THADA: variants seen among roughly 807,000 people sequenced by gnomAD.
THADA encodes tRNA (32-2'-O)-methyltransferase regulator THADA.
Under a neutral mutation model 219.8 loss-of-function variants are expected in THADA, and 213 were observed. That is an observed-to-expected ratio of 0.97 (90% CI 0.87 to 1.09). THADA has a LOEUF of 1.09. Ranked by LOEUF, THADA falls within the 50% of genes least tolerant of loss-of-function variation. The probability of loss-of-function intolerance (pLI) is 0.00; values close to 1 mark genes in which losing one functional copy is unlikely to be tolerated. For missense variants in THADA, 2,956 were observed against 2,311.3 expected, an observed-to-expected ratio of 1.28 and a Z score of -5.72; for synonymous variants, 1,018 against 828.9, an observed-to-expected ratio of 1.23 and a Z score of -3.92.
In THADA at chr2:43,511,727, A is replaced by C. The variant is rs184580349; in HGVS notation, c.3375-2947T>G. On this transcript the variant is annotated intron_variant, in intron 22 of 37. Transcript: ENST00000405975. ...ATATCCCTATTCATCCAAACTGATG[A>C]AACTTCCTCCAAATACTGCATCTCA... is the stretch of plus-strand genomic sequence containing the variant. 3.1e-3 allele frequency among the ~76,000 whole-genome samples: 475 copies of C among 152,320 alleles called. 1 individual carries two copies. The highest frequency in any genetic ancestry group is 0.011 in the African/African-American group (439 of 41,564).
At chr2:43,411,588 T>C (rs377203886) in intron 28 of THADA, among the ~76,000 whole-genome samples, 1 of 152,190 alleles carries the variant, frequency 6.6e-6, no homozygotes, top group Non-Finnish European at 1.5e-5. Flanking sequence ...CTCATACTAG[T>C]TTTAGTCACC....
At chr2:43,345,450 G>A (rs1573182269) in intron 29 of THADA, among the ~76,000 whole-genome samples, 1 of 152,224 alleles carries the variant, frequency 6.6e-6, no homozygotes, top group Non-Finnish European at 1.5e-5. Context: ...GTACAGGAGA[G>A]TGCACACAAG....
At chr2:43,529,715 G>A (rs536008791) in intron 21 of THADA, among the ~76,000 whole-genome samples, 2 of 152,230 alleles carry the variant, frequency 1.3e-5, no homozygotes, top group East Asian at 3.9e-4. Context: ...CAGATCACAG[G>A]ATGGTAAAAG....
At chr2:43,277,792 T>C (rs1672891874) in intron 36 of THADA, among the ~76,000 whole-genome samples, 1 of 152,262 alleles carries the variant, frequency 6.6e-6, no homozygotes, top group Non-Finnish European at 1.5e-5. Context: ...AAACAACGTG[T>C]ACTTTTAAGG....
chr2:43,480,787 C>A (rs891518614), intron 26 of THADA, among the ~76,000 whole-genome samples: 2 of 148,580 alleles, frequency 1.3e-5, no homozygotes, highest in Non-Finnish European at 3.0e-5. Context: ...CATTCAACTC[C>A]AGCCCAGGCA....
intron 36 of THADA, among the ~76,000 whole-genome samples, chr2:43,272,890 T>C (rs1672293614): frequency 6.6e-6 from 1 of 152,072 alleles, no homozygotes. Context: ...CCTCCGAAAG[T>C]GCTGGGATTA....
At chr2:43,504,940 CCA>C (rs1259487813) in intron 24 of THADA, among the ~76,000 whole-genome samples, 4 of 152,124 alleles carry the variant, frequency 2.6e-5, no homozygotes, top group African/African-American at 9.7e-5. Flanking sequence ...CTGAGGAAGT[CCA>C]GACTATAACG....
At chr2:43,340,278 G>A (rs1478829205) in intron 30 of THADA, among the ~76,000 whole-genome samples, 3 of 152,208 alleles carry the variant, frequency 2.0e-5, no homozygotes, top group Non-Finnish European at 4.4e-5. Context: ...GTCCTTTCCT[G>A]AAGCCATGTT....
At chr2:43,370,364 G>C (rs370892395) in intron 29 of THADA, among the ~76,000 whole-genome samples, 2 of 152,214 alleles carry the variant, frequency 1.3e-5, no homozygotes, top group South Asian at 4.1e-4. Context: ...AGATCTCAGA[G>C]TTAATGATTT....
chr2:43,385,162 C>CA (rs1414960446), intron 29 of THADA, among the ~76,000 whole-genome samples: 2 of 151,264 alleles, frequency 1.3e-5, no homozygotes, highest in African/African-American at 2.4e-5. Flanking sequence ...AAAACAAAAA[C>CA]AAAAAAACCC....
intron 29 of THADA, among the ~76,000 whole-genome samples, chr2:43,384,046 A>T (rs569292532): frequency 6.6e-6 from 1 of 152,276 alleles, no homozygotes; most frequent in African/African-American, 2.4e-5. Flanking sequence ...TTTTAAAATG[A>T]CCAAACTTAC....
chr2:43,463,431 G>A (rs574240447), intron 26 of THADA, among the ~76,000 whole-genome samples: 1 of 152,304 alleles, frequency 6.6e-6, no homozygotes, highest in South Asian at 2.1e-4. Flanking sequence ...GGGCGTGATT[G>A]ACAGGTCAGT....
At position 43,322,674 on chromosome 2, in the gene THADA, CTTTTTTTTTTTTTTTT is replaced by C. The variant is rs34557514; in HGVS notation, c.4344-2150_4344-2135del. 5.5e-5 allele frequency among the ~76,000 whole-genome samples: 3 copies of C among 54,826 alleles called. No homozygotes were observed. In the Admixed American group the frequency reaches 7.2e-4, roughly 13 times the overall value. 36.0% of individuals were successfully genotyped at this position (54,826 alleles called of 152,430 possible). ...CATATCCTTCCAAGCACATTCTATT[CTTTTTTTTTTTTTTTT>C]TTTTTTTTTTTTTGAGACGGAGTCT... On this transcript the variant is annotated intron_variant, in intron 30 of 37. Coordinates refer to ENST00000405975, the MANE Select transcript of THADA (RefSeq NM_022065.5).
chr2:43,405,061 G>A (rs6714067), intron 28 of THADA, among the ~76,000 whole-genome samples: 52,212 of 152,088 alleles, frequency 0.34, 9,526 homozygotes, highest in African/African-American at 0.43. Flanking sequence ...AGTGCTCACA[G>A]AGGCCTACCC....
intron 28 of THADA, among the ~76,000 whole-genome samples, chr2:43,400,476 T>TATATATATATATAAAA (rs903186497): frequency 6.9e-6 from 1 of 144,448 alleles, no homozygotes; most frequent in African/African-American, 2.5e-5. Flanking sequence ...TATATATATA[T>TATATATATATATAAAA]AAATATATAC....
chr2:43,307,815 A>C (rs2104426441), intron 31 of THADA, among the ~76,000 whole-genome samples: 1 of 152,378 alleles, frequency 6.6e-6, no homozygotes, highest in Non-Finnish European at 1.5e-5. Context: ...TAAGCACGCA[A>C]AGAAGTGGGA....
At chr2:43,252,253 C>T (rs915303901) in intron 36 of THADA, among the ~76,000 whole-genome samples, 2 of 152,242 alleles carry the variant, frequency 1.3e-5, no homozygotes, top group Non-Finnish European at 1.5e-5. Flanking sequence ...TTTTACTCTA[C>T]TCCCAATTAA....
At chr2:43,586,208 C>T (rs1027989418) in intron 7 of THADA, among the ~76,000 whole-genome samples, 193 bp downstream of exon 7, 6 of 152,092 alleles carry the variant, frequency 3.9e-5, no homozygotes, top group South Asian at 2.1e-4. Context: ...GAGGCTGCAG[C>T]GAGCTATGAT....
chr2:43,359,864 T>A (rs1409972006), intron 29 of THADA, among the ~76,000 whole-genome samples: 1 of 151,400 alleles, frequency 6.6e-6, no homozygotes, highest in African/African-American at 2.4e-5. Flanking sequence ...GCTCAAGGGA[T>A]CCTCCTTCCT....
Sources: gnomAD v4.1 joint callset for allele counts (sites outside exome capture counted in the v4.1 genomes callset) on GRCh38, gnomAD v4.1.1 for gene constraint, MANE v1.5 for transcripts, NCBI Gene and HGNC (gene_info 2026-07-23, HGNC 2026-07-21) for gene names.